DPH6: variants seen among roughly 807,000 people sequenced by gnomAD.
DPH6 encodes diphthine--ammonia ligase.
A neutral mutation model predicts 38.2 loss-of-function variants in DPH6; 33 were observed. The ratio of observed to expected loss-of-function variants is 0.86; its 90% CI spans 0.65 to 1.15. DPH6 has a LOEUF of 1.15. Ranked by LOEUF, DPH6 falls within the 50% of genes most tolerant of loss-of-function variation. DPH6 has a pLI of 0.00. For synonymous variants in DPH6, 108 were observed against 103.0 expected (o/e 1.05, Z -0.30); for missense variants, 325 against 320.0 (o/e 1.02, Z -0.12).
Position 35,284,801 on chromosome 15 carries a change from A to ATTTTTTT in DPH6, n.201-64226_201-64220dup, listed in dbSNP as rs71123127. On this transcript the variant is annotated intron_variant and non_coding_transcript_variant, in intron 3 of 3. Transcript: ENST00000560386. ...GAAAATTCATGGGTGAAGTCTCCAA[A>ATTTTTTT]TTTTTTTTTTTTTTTTTTTTTTTTT... Among the ~76,000 whole-genome samples the ATTTTTTT allele has an allele frequency of 5.9e-4, 47 of 79,256 alleles. 2 individuals are homozygous for ATTTTTTT. The highest frequency in any genetic ancestry group is 2.1e-3 in the African/African-American group (37 of 17,508). 52.0% of individuals were successfully genotyped at this position (79,256 alleles called of 152,430 possible).
chr15:35,324,969 G>C (rs1281483611), intron 3 of DPH6, among the ~76,000 whole-genome samples: 1 of 152,110 alleles, frequency 6.6e-6, no homozygotes, highest in East Asian at 1.9e-4. Flanking sequence ...TCAGCTTATT[G>C]AGCTGGAAGA....
intron 3 of DPH6, among the ~76,000 whole-genome samples, chr15:35,270,131 T>G (rs2051813391): frequency 6.6e-6 from 1 of 152,184 alleles, no homozygotes; most frequent in African/African-American, 2.4e-5. Context: ...CTCTGAACAT[T>G]AACTGAAATG....
At chr15:35,157,955 A>C in the DPH6 span, among the ~76,000 whole-genome samples, 1 of 152,084 alleles carries the variant, frequency 6.6e-6, no homozygotes. Flanking sequence ...AAAAAAAAAA[A>C]TCCTTATCAG....
intron 5 of DPH6, among the ~76,000 whole-genome samples, chr15:35,414,743 T>C (rs773332637): frequency 4.0e-5 from 6 of 151,826 alleles, no homozygotes; most frequent in Non-Finnish European, 8.8e-5. Context: ...CTCTTTTTTT[T>C]CTGCTGCACT....
At chr15:35,361,891 G>T (rs1041314665) in intron 3 of DPH6, among the ~76,000 whole-genome samples, 1 of 147,036 alleles carries the variant, frequency 6.8e-6, no homozygotes, top group Non-Finnish European at 1.5e-5. Context: ...GCTTTGTAAT[G>T]ATTACTTTGA....
chr15:35,241,887 C>T (rs2051602080), intron 3 of DPH6, among the ~76,000 whole-genome samples: 1 of 143,550 alleles, frequency 7.0e-6, no homozygotes, highest in Non-Finnish European at 1.5e-5. Context: ...TAAAACCAGA[C>T]AAGCCTTACA....
At chr15:35,423,843 A>T (rs1313378594) in intron 5 of DPH6, among the ~76,000 whole-genome samples, 1 of 151,614 alleles carries the variant, frequency 6.6e-6, no homozygotes, top group African/African-American at 2.4e-5. Context: ...TTCCCATTGT[A>T]TGTTTTGGCA....
intron 3 of DPH6, among the ~76,000 whole-genome samples, chr15:35,482,322 C>T (rs2054337175): frequency 6.6e-6 from 1 of 152,074 alleles, no homozygotes; most frequent in Non-Finnish European, 1.5e-5. Context: ...TGATAACCAC[C>T]ACATACATTA....
chr15:35,452,728 T>C (rs753177488), intron 4 of DPH6, among the ~76,000 whole-genome samples: 2 of 152,152 alleles, frequency 1.3e-5, no homozygotes, highest in Non-Finnish European at 2.9e-5. Context: ...AAGAATAAAA[T>C]GTGAACTACC....
chr15:35,469,539 G>A (rs180794204), intron 3 of DPH6, among the ~76,000 whole-genome samples: 36 of 152,258 alleles, frequency 2.4e-4, no homozygotes, highest in Non-Finnish European at 2.9e-4. Flanking sequence ...AATAGATTCT[G>A]GTGTTATATG....
At chr15:35,197,324 G>A in the DPH6 span, among the ~76,000 whole-genome samples, 5 of 152,262 alleles carry the variant, frequency 3.3e-5, no homozygotes, top group East Asian at 9.6e-4. Context: ...GGATATTTCT[G>A]TTAAAATATG....
chr15:35,312,885 G>A (rs2052156183), intron 3 of DPH6, among the ~76,000 whole-genome samples: 1 of 152,042 alleles, frequency 6.6e-6, no homozygotes, highest in Non-Finnish European at 1.5e-5. Flanking sequence ...CTATGTGTTT[G>A]TTTTTATACC....
downstream of DPH6, among the ~76,000 whole-genome samples, chr15:35,368,936 T>G (rs749952821): frequency 2.6e-5 from 4 of 151,580 alleles, no homozygotes; most frequent in Non-Finnish European, 5.9e-5. Flanking sequence ...AGGTGAAAAG[T>G]AAACTTGCAG....
At chr15:35,231,141 C>T (rs1228137906) in intron 3 of DPH6, among the ~76,000 whole-genome samples, 3 of 152,204 alleles carry the variant, frequency 2.0e-5, no homozygotes, top group Non-Finnish European at 4.4e-5. Flanking sequence ...AGCCCCAGAG[C>T]ACTGTAGACT....
At position 35,379,083 on chromosome 15, in the gene DPH6, C is replaced by T. The variant is rs552289186; in HGVS notation, c.662+2739G>A. Among the ~76,000 whole-genome samples, 243 of 152,292 alleles carry T rather than the reference C, an allele frequency of 1.6e-3. 1 individual carries two copies. The highest frequency in any genetic ancestry group is 5.4e-4 in the Non-Finnish European group (37 of 68,026). On this transcript the variant is annotated intron_variant, in intron 7 of 8. Coordinates refer to ENST00000256538, the MANE Select transcript of DPH6 (RefSeq NM_080650.4). ...TGCTTTTTCTAGCTTGTAGAAGCTT[C>T]CCACATTTCTTGGCTCATGGCTCCA...
intron 3 of DPH6, among the ~76,000 whole-genome samples, chr15:35,339,864 T>C (rs558932404): frequency 6.6e-6 from 1 of 152,298 alleles, no homozygotes; most frequent in East Asian, 1.9e-4. Flanking sequence ...CTGTTGTTTT[T>C]AGGTGAAGAG....
At chr15:35,234,548 T>A (rs1471230910) in intron 3 of DPH6, among the ~76,000 whole-genome samples, 2 of 152,282 alleles carry the variant, frequency 1.3e-5, no homozygotes, top group Admixed American at 1.3e-4. Context: ...TAATTTCTTA[T>A]AATTGTACTT....
intron 3 of DPH6, among the ~76,000 whole-genome samples, chr15:35,491,645 A>G (rs907952929): frequency 1.3e-5 from 2 of 151,696 alleles, no homozygotes; most frequent in African/African-American, 4.8e-5. Context: ...TATAGATCTC[A>G]TATATAGAAC....
chr15:35,527,484 A>C (rs2055021709), intron 3 of DPH6, among the ~76,000 whole-genome samples: 1 of 152,170 alleles, frequency 6.6e-6, no homozygotes. Context: ...TAAACAAAAC[A>C]AAACCCACAA....
Sources: gnomAD v4.1 joint callset for allele counts (sites outside exome capture counted in the v4.1 genomes callset) on GRCh38, gnomAD v4.1.1 for gene constraint, MANE v1.5 for transcripts, NCBI Gene and HGNC (gene_info 2026-07-23, HGNC 2026-07-21) for gene names.